CNTN1: variants seen among roughly 807,000 people sequenced by gnomAD.
CNTN1 encodes the protein contactin 1, also known as contactin-1.
CNTN1 carries 38 observed loss-of-function variants against 126.4 expected under a neutral mutation model. That is an observed-to-expected ratio of 0.30 (90% confidence interval 0.23 to 0.39). CNTN1 has a LOEUF of 0.39. Among genes scored for constraint, CNTN1 ranks in the 10% least tolerant of loss-of-function variants. The pLI, the probability that CNTN1 is intolerant of heterozygous loss-of-function variation, is 1.00. For missense variants in CNTN1, 1,009 were observed against 1,248.4 expected (o/e 0.81, Z 2.89); for synonymous variants, 413 against 422.6 (o/e 0.98, Z 0.28).
At position 40,968,632 on chromosome 12, in the gene CNTN1, T is replaced by C. The variant is rs138785368; in HGVS notation, c.1804+9398T>C. Among the ~76,000 whole-genome samples the C allele has an allele frequency of 2.5e-3, 388 of 152,326 alleles. 1 individual carries two copies. The highest frequency in any genetic ancestry group is 8.7e-3 in the African/African-American group (361 of 41,580). ...TCTTAGATTATAATGTCTACACTTA[T>C]AGGATTTTCCTATAAATTTTACCAC... is the stretch of plus-strand genomic sequence containing the variant. On this transcript the variant is annotated intron_variant, in intron 15 of 23. Coordinates refer to ENST00000551295, the MANE Select transcript of CNTN1 (RefSeq NM_001843.4).
At chr12:41,008,607 A>T (rs1948565006) in intron 17 of CNTN1, among the ~76,000 whole-genome samples, 1 of 152,198 alleles carries the variant, frequency 6.6e-6, no homozygotes, top group Non-Finnish European at 1.5e-5. Flanking sequence ...TATCTATGAC[A>T]TGCTTAAACT....
chr12:40,944,534 T>G (rs151043041), intron 14 of CNTN1, among the ~76,000 whole-genome samples: 1 of 152,180 alleles, frequency 6.6e-6, no homozygotes, highest in African/African-American at 2.4e-5. Flanking sequence ...TTTGTTATAA[T>G]GATGATCTTA....
At chr12:40,822,032 G>A (rs545891230) in intron 1 of CNTN1, among the ~76,000 whole-genome samples, 2 of 151,312 alleles carry the variant, frequency 1.3e-5, no homozygotes, top group East Asian at 3.9e-4. Context: ...AATCTTCTGT[G>A]AATTTCTTTC....
At chr12:40,790,743 T>A (rs1182493660) in intron 1 of CNTN1, among the ~76,000 whole-genome samples, 1 of 152,036 alleles carries the variant, frequency 6.6e-6, no homozygotes, top group Non-Finnish European at 1.5e-5. Context: ...CAAGAAAGGC[T>A]GCGATGTGAA....
At chr12:40,768,939 A>G (rs943746353) in intron 1 of CNTN1, among the ~76,000 whole-genome samples, 6 of 152,154 alleles carry the variant, frequency 3.9e-5, no homozygotes, top group African/African-American at 1.4e-4. Context: ...ATGTTATTGC[A>G]TATGTTCATA....
At chr12:40,922,649 A>G (rs1315576482) in intron 5 of CNTN1, among the ~76,000 whole-genome samples, 1 of 152,130 alleles carries the variant, frequency 6.6e-6, no homozygotes, top group Admixed American at 6.6e-5. Context: ...AAGGAAGGCC[A>G]GCGTCTGAGG....
intron 1 of CNTN1, among the ~76,000 whole-genome samples, chr12:40,856,716 G>A (rs1218856669): frequency 6.6e-6 from 1 of 152,128 alleles, no homozygotes; most frequent in Non-Finnish European, 1.5e-5. Context: ...AGGAAGATTT[G>A]CCAAAGTATG....
At chr12:40,977,269 G>A (rs765764407) in intron 15 of CNTN1, among the ~76,000 whole-genome samples, 23 of 151,998 alleles carry the variant, frequency 1.5e-4, no homozygotes, top group Non-Finnish European at 2.9e-4. Flanking sequence ...TGTGGGTGGC[G>A]GAAATCAAGG....
At chr12:40,829,383 C>A (rs539516658) in intron 1 of CNTN1, among the ~76,000 whole-genome samples, 1 of 151,960 alleles carries the variant, frequency 6.6e-6, no homozygotes, top group South Asian at 2.1e-4. Context: ...ATAGGTATAT[C>A]TACTTCCTCA....
intron 15 of CNTN1, among the ~76,000 whole-genome samples, chr12:40,969,415 A>T (rs1304209305): frequency 1.3e-5 from 2 of 152,104 alleles, no homozygotes; most frequent in East Asian, 3.9e-4. Flanking sequence ...TGAAACATAC[A>T]CAGAGAGAGA....
At chr12:40,999,354 A>T (rs905969525) in intron 17 of CNTN1, among the ~76,000 whole-genome samples, 5 of 152,172 alleles carry the variant, frequency 3.3e-5, no homozygotes, top group African/African-American at 1.2e-4. Context: ...ATTCTTTTTA[A>T]TGATTTATTG....
chr12:40,760,473 T>C (rs1187293947), intron 1 of CNTN1, among the ~76,000 whole-genome samples: 2 of 152,178 alleles, frequency 1.3e-5, no homozygotes, highest in Non-Finnish European at 1.5e-5. Flanking sequence ...TTAATGTTTT[T>C]TTTTTTGCAG....
intron 1 of CNTN1, among the ~76,000 whole-genome samples, chr12:40,725,260 G>T (rs780267368): frequency 1.3e-5 from 2 of 151,982 alleles, no homozygotes; most frequent in Non-Finnish European, 2.9e-5. Flanking sequence ...AATTAGCAGG[G>T]TGTGGTGGTG....
At chr12:40,852,307 C>T (rs1942749477) in intron 1 of CNTN1, among the ~76,000 whole-genome samples, 1 of 152,162 alleles carries the variant, frequency 6.6e-6, no homozygotes, top group Non-Finnish European at 1.5e-5. Flanking sequence ...GTATGAAAGC[C>T]ATTTTTCTTC....
At chr12:41,049,657 C>T (rs1387372882) in intron 23 of CNTN1, among the ~76,000 whole-genome samples, 4 of 152,170 alleles carry the variant, frequency 2.6e-5, no homozygotes, top group African/African-American at 9.7e-5. Context: ...ATAATGACCA[C>T]AGTGATTATT....
At chr12:41,062,333 A>G (rs1408883878) in intron 23 of CNTN1, among the ~76,000 whole-genome samples, 1 of 152,190 alleles carries the variant, frequency 6.6e-6, no homozygotes, top group East Asian at 1.9e-4. Context: ...TATATAGTTC[A>G]AAGAAAATGT....
chr12:40,823,219 A>G (rs1183598185), intron 1 of CNTN1, among the ~76,000 whole-genome samples: 1 of 152,092 alleles, frequency 6.6e-6, no homozygotes, highest in Non-Finnish European at 1.5e-5. Context: ...TTTATATAAC[A>G]GGGACTACTT....
chr12:40,875,432 C>A (rs549946819), intron 1 of CNTN1, among the ~76,000 whole-genome samples: 1 of 152,140 alleles, frequency 6.6e-6, no homozygotes, highest in South Asian at 2.1e-4. Context: ...TAACCCCTCA[C>A]AATCAGTAAT....
At chr12:40,827,286 T>C (rs1592130819) in intron 1 of CNTN1, among the ~76,000 whole-genome samples, 2 of 152,068 alleles carry the variant, frequency 1.3e-5, no homozygotes, top group Non-Finnish European at 2.9e-5. Flanking sequence ...GTGCTTATGT[T>C]CCAAAATAAT....
Sources: allele counts gnomAD v4.1 joint callset (sites outside exome capture counted in the v4.1 genomes callset), GRCh38; gene constraint gnomAD v4.1.1; transcripts MANE v1.5; gene names NCBI Gene and HGNC (gene_info 2026-07-23, HGNC 2026-07-21).